The following CKAP5 variants were observed in gnomAD, a reference collection of about 807,000 sequenced individuals.
CKAP5 encodes the protein cytoskeleton associated protein 5, also known as cytoskeleton-associated protein 5.
CKAP5 carries 27 observed loss-of-function variants against 232.8 expected under a neutral mutation model. The observed-to-expected ratio is 0.12, with a 90% CI of 0.09 to 0.16. The LOEUF (loss-of-function observed/expected upper bound fraction) is 0.16. CKAP5 is among the 10% of genes least tolerant of loss of function. The pLI is 1.00. For missense variants in CKAP5, 1,838 were observed against 2,424.7 expected (o/e 0.76, Z 5.08); for synonymous variants, 785 against 841.1 (o/e 0.93, Z 1.16).
chr11:46,770,871 G>C lies in CKAP5; in HGVS notation c.3103C>G (p.Arg1035Gly). 1 of 1,614,032 alleles carries C rather than the reference G, an allele frequency of 6.2e-7. No individual in the cohort carries two copies. Among genetic ancestry groups the C allele is most frequent in the Non-Finnish European group, 8.5e-7 (1 of 1,179,988 alleles). The change falls in exon 25 of 44, where the codon CGA (arginine) becomes GGA (glycine). Residue 1035 changes from arginine to glycine, a missense_variant. Physicochemically the swap from Arg to Gly is moderately radical, Grantham distance 125. This residue lies in a region of CKAP5 where 767 missense variants were observed against 954.6 expected (regional missense o/e 0.80). Coordinates refer to ENST00000529230, the MANE Select transcript of CKAP5 (RefSeq NM_001008938.4). ...SCLEDRNGDV[R>G]KKAQDALPFF... Reference sequence around the variant, plus strand: ...GGCAAGGCATCTTGGGCCTTCTTTCGCACATCTCCATTTCGATCTTCTAGG... The same window carrying C: ...GGCAAGGCATCTTGGGCCTTCTTTCCCACATCTCCATTTCGATCTTCTAGG...
At chr11:46,834,912 C>A (rs1939880720) in intron 1 of CKAP5, among the ~76,000 whole-genome samples, 1 of 151,912 alleles carries the variant, frequency 6.6e-6, no homozygotes, top group African/African-American at 2.4e-5. Context: ...CCCAAGTAAT[C>A]CTCCCACCTC....
intron 1 of CKAP5, among the ~76,000 whole-genome samples, chr11:46,824,742 T>C (rs937521716): frequency 3.9e-5 from 6 of 152,226 alleles, no homozygotes; most frequent in Non-Finnish European, 5.9e-5. Flanking sequence ...AAGTATCATA[T>C]AGGGATGAGC....
In CKAP5 at chr11:46,819,917, A is replaced by G. The variant is rs375787340; in HGVS notation, c.57+1258T>C. On this transcript the variant is annotated intron_variant, in intron 2 of 43. Transcript: ENST00000529230. Reference sequence around the variant, plus strand: ...TTAAAATTGGGCAACATCTCATTCTATAAAGTAGAATGAGTGTTCCCTAAA... The same window carrying G: ...TTAAAATTGGGCAACATCTCATTCTGTAAAGTAGAATGAGTGTTCCCTAAA... 2.2e-3 allele frequency among the ~76,000 whole-genome samples: 339 copies of G among 152,242 alleles called. 8 individuals carry two copies. The South Asian group carries it at 0.045, about 20-fold the overall frequency.
At chr11:46,770,747 T>C (rs752932915) in intron 25 of CKAP5, 41 bp downstream of exon 25, 14 of 1,571,306 alleles carry the variant, frequency 8.9e-6, no homozygotes, top group African/African-American at 6.8e-5. Context: ...ATATATTTTT[T>C]AATAGCTTTT....
At chr11:46,803,743 T>C (rs1939090340) in intron 8 of CKAP5, among the ~76,000 whole-genome samples, 1 of 152,216 alleles carries the variant, frequency 6.6e-6, no homozygotes, top group Admixed American at 6.5e-5. Flanking sequence ...TACGAGAGGA[T>C]GAGATCAGGG....
chr11:46,816,310 A>T lies in CKAP5; in HGVS notation c.346T>A (p.Tyr116Asn), dbSNP rs148240535. ...KELGIEICLM[Y>N]IEIEKGEAVQ... ...GCCTCTCCTTTCTCAATCTCTATGT[A>T]CATAAGACAGATCTCTATGCCCAGC... The change falls in exon 4 of 44, where the codon TAC (tyrosine) becomes AAC (asparagine). Residue 116 changes from tyrosine (Y) to asparagine (N), a missense_variant. Physicochemically the swap from Tyr to Asn is moderately radical, Grantham distance 143 (BLOSUM62 -2). Coordinates refer to ENST00000529230, the MANE Select transcript of CKAP5 (RefSeq NM_001008938.4). The T allele has an allele frequency of 3.7e-6, 6 of 1,613,948 alleles. No homozygotes were observed. The highest frequency in any genetic ancestry group is 4.2e-6 in the Non-Finnish European group (5 of 1,179,980).
At chr11:46,789,463 AG>A (rs770721735) in intron 15 of CKAP5, among the ~76,000 whole-genome samples, 4 of 152,186 alleles carry the variant, frequency 2.6e-5, no homozygotes, top group Non-Finnish European at 5.9e-5. Flanking sequence ...CTATTTGCCT[AG>A]GAAGTTTATG....
intron 28 of CKAP5, among the ~76,000 whole-genome samples, chr11:46,764,034 C>T (rs1352789328): frequency 6.6e-6 from 1 of 152,182 alleles, no homozygotes; most frequent in Non-Finnish European, 1.5e-5. Context: ...GATGAAGTCT[C>T]AATATGTTGT....
intron 35 of CKAP5, among the ~76,000 whole-genome samples, chr11:46,758,359 C>G (rs1437687388): frequency 6.6e-6 from 1 of 152,186 alleles, no homozygotes; most frequent in African/African-American, 2.4e-5. Flanking sequence ...TATCTACTCA[C>G]TTCCTTTCCG....
intron 1 of CKAP5, among the ~76,000 whole-genome samples, chr11:46,831,951 A>C (rs963832222): frequency 8.3e-5 from 12 of 145,010 alleles, no homozygotes; most frequent in Non-Finnish European, 1.5e-4. Flanking sequence ...TGCAGCCTCG[A>C]CTTCCGGGGC....
intron 42 of CKAP5, among the ~76,000 whole-genome samples, 161 bp from the exon 43 acceptor site, chr11:46,744,738 G>A (rs185085926): frequency 3.3e-5 from 5 of 152,160 alleles, no homozygotes; most frequent in Non-Finnish European, 7.4e-5. Context: ...AGGGTGCTCT[G>A]AAATATACAA....
At chr11:46,803,448 T>G (rs1379382006) in intron 8 of CKAP5, among the ~76,000 whole-genome samples, 1 of 152,024 alleles carries the variant, frequency 6.6e-6, no homozygotes, top group African/African-American at 2.4e-5. Flanking sequence ...TTCTATTTTT[T>G]GTAGAAACAG....
intron 32 of CKAP5, among the ~76,000 whole-genome samples, chr11:46,761,500 G>A (rs765815450): frequency 3.9e-5 from 6 of 152,082 alleles, no homozygotes; most frequent in Non-Finnish European, 8.8e-5. Flanking sequence ...GTAAATACAT[G>A]GTGACACTAT....
At chr11:46,809,352 G>A (rs1565746751) in intron 7 of CKAP5, 48 bp downstream of exon 7, 3 of 1,233,788 alleles carry the variant, frequency 2.4e-6, no homozygotes, top group Admixed American at 1.8e-5. Context: ...TTCTATTCAA[G>A]TAATTATTTT....
intron 11 of CKAP5, 105 bp downstream of exon 11, chr11:46,797,700 A>AT: frequency 8.7e-7 from 1 of 1,153,794 alleles, no homozygotes; most frequent in Non-Finnish European, 1.2e-6. Flanking sequence ...TCAAAAGATC[A>AT]TAACCTCTAT....
chr11:46,798,704 G>T (rs1446196452), intron 9 of CKAP5, among the ~76,000 whole-genome samples: 2 of 152,170 alleles, frequency 1.3e-5, no homozygotes, highest in African/African-American at 2.4e-5. Context: ...GGAGCAGCAT[G>T]GGGAGAGACT....
chr11:46,783,237 A>G, intron 18 of CKAP5, 37 bp downstream of exon 18: 4 of 1,195,342 alleles, frequency 3.3e-6, no homozygotes, highest in Non-Finnish European at 5.0e-6. Flanking sequence ...CTGACAGAAC[A>G]TTTAACTATT....
intron 24 of CKAP5, 69 bp downstream of exon 24, chr11:46,776,182 TTATC>T: frequency 7.7e-7 from 1 of 1,292,488 alleles, no homozygotes; most frequent in Non-Finnish European, 1.1e-6. Flanking sequence ...AAATGCGTAT[TTATC>T]AGACAGGCCC....
At chr11:46,776,604 CAGTT>C (rs1333970235) in intron 23 of CKAP5, among the ~76,000 whole-genome samples, 2 of 152,128 alleles carry the variant, frequency 1.3e-5, no homozygotes, top group Admixed American at 1.3e-4. Context: ...CTTGTGTACT[CAGTT>C]AATCAGGCAA....
Sources: gnomAD v4.1 joint callset for allele counts (sites outside exome capture counted in the v4.1 genomes callset) on GRCh38, gnomAD v4.1.1 for gene constraint, gnomAD v4.1.1 regional missense constraint, MANE v1.5 for transcripts, NCBI Gene and HGNC (gene_info 2026-07-23, HGNC 2026-07-21) for gene names.